The following SLC39A12 variants were observed in gnomAD, a reference collection of about 807,000 sequenced individuals.
SLC39A12 encodes the protein zinc transporter ZIP12.
A neutral mutation model predicts 71.1 loss-of-function variants in SLC39A12; 63 were observed. That is an observed-to-expected ratio of 0.89 (90% CI 0.72 to 1.09). SLC39A12 has a LOEUF of 1.09. SLC39A12 is among the 50% of genes least tolerant of loss of function. The pLI, the probability that SLC39A12 is intolerant of heterozygous loss-of-function variation, is 0.00. For synonymous variants in SLC39A12, 351 were observed against 301.3 expected (o/e 1.16, Z -1.71); for missense variants, 892 against 812.6 (o/e 1.10, Z -1.19).
At chr10:17,983,345 A>T (rs573857581) in intron 6 of SLC39A12, among the ~76,000 whole-genome samples, 31 of 152,120 alleles carry the variant, frequency 2.0e-4, no homozygotes, top group African/African-American at 7.2e-4. Flanking sequence ...AAAATTAGCC[A>T]GGCATGGTGG....
intron 3 of SLC39A12, among the ~76,000 whole-genome samples, chr10:17,963,230 A>C (rs1834736686): frequency 6.6e-6 from 1 of 152,188 alleles, no homozygotes. Flanking sequence ...TTTTCTACCT[A>C]AACCAGGAGG....
At chr10:17,954,864 G>GT (rs1290328041) in intron 2 of SLC39A12, among the ~76,000 whole-genome samples, 3 of 152,154 alleles carry the variant, frequency 2.0e-5, no homozygotes, top group East Asian at 3.8e-4. Flanking sequence ...CAAGTGTTTT[G>GT]TTTTTTCATA....
intron 5 of SLC39A12, among the ~76,000 whole-genome samples, chr10:17,978,435 T>C (rs1446337394): frequency 1.3e-5 from 2 of 152,216 alleles, no homozygotes; most frequent in East Asian, 3.9e-4. Context: ...TGCTATTATG[T>C]ATCTTAAAAG....
At chr10:17,987,385 T>A (rs1218808111) in intron 6 of SLC39A12, 94 bp from the exon 7 acceptor site, 1 of 1,110,082 alleles carries the variant, frequency 9.0e-7, no homozygotes, top group Admixed American at 2.1e-5. Context: ...TACTGGCTGT[T>A]ACTGTAAGAC....
chr10:17,993,751 G>A (rs1202296309), intron 9 of SLC39A12, among the ~76,000 whole-genome samples: 5 of 152,214 alleles, frequency 3.3e-5, no homozygotes, highest in Non-Finnish European at 5.9e-5. Flanking sequence ...TTCATAGTAT[G>A]TGCCTTTATT....
intron 10 of SLC39A12, 47 bp from the exon 11 acceptor site, chr10:18,000,620 A>G: frequency 6.3e-7 from 1 of 1,590,624 alleles, no homozygotes; most frequent in Non-Finnish European, 8.6e-7. Flanking sequence ...TTGGTGAAAT[A>G]TGTAGTGCTC....
intron 4 of SLC39A12, among the ~76,000 whole-genome samples, chr10:17,966,454 C>A (rs78265327): frequency 6.6e-6 from 1 of 152,018 alleles, no homozygotes; most frequent in Admixed American, 6.5e-5. Flanking sequence ...GAAACTACAG[C>A]TGTGTGTCAC....
intron 12 of SLC39A12, among the ~76,000 whole-genome samples, chr10:18,027,152 C>T (rs771023974): frequency 6.6e-6 from 1 of 152,182 alleles, no homozygotes; most frequent in Non-Finnish European, 1.5e-5. Flanking sequence ...AGAAGGAATA[C>T]ATAGGGGAAA....
chr10:17,978,670 G>A (rs940887600), intron 5 of SLC39A12, among the ~76,000 whole-genome samples: 2 of 152,022 alleles, frequency 1.3e-5, no homozygotes, highest in Admixed American at 6.6e-5. Flanking sequence ...AACATTTAGG[G>A]GTTACTTAAG....
intron 12 of SLC39A12, among the ~76,000 whole-genome samples, chr10:18,034,377 G>A (rs548979994): frequency 1.5e-4 from 23 of 152,280 alleles, no homozygotes; most frequent in African/African-American, 5.5e-4. Flanking sequence ...AGCTCTTCTT[G>A]TTTAATTGAT....
intron 12 of SLC39A12, among the ~76,000 whole-genome samples, chr10:18,038,259 G>T (rs968289433): frequency 2.0e-5 from 3 of 151,940 alleles, no homozygotes; most frequent in Admixed American, 2.0e-4. Context: ...TGGGAGTAGG[G>T]TCACTGACTC....
At chr10:18,033,117 TG>T (rs1836898254) in intron 12 of SLC39A12, among the ~76,000 whole-genome samples, 1 of 143,620 alleles carries the variant, frequency 7.0e-6, no homozygotes, top group Admixed American at 7.1e-5. Context: ...TTCTCTTTTT[TG>T]GTTGTGTCTC....
At chr10:17,959,066 A>G (rs1222990608) in intron 2 of SLC39A12, among the ~76,000 whole-genome samples, 2 of 152,172 alleles carry the variant, frequency 1.3e-5, no homozygotes, top group African/African-American at 4.8e-5. Context: ...CCAATAGTTT[A>G]GTTTCAGGAG....
chr10:17,980,825 T>G (rs1227541974), intron 5 of SLC39A12, among the ~76,000 whole-genome samples: 1 of 152,148 alleles, frequency 6.6e-6, no homozygotes, highest in East Asian at 1.9e-4. Flanking sequence ...TTTCAAAAAT[T>G]TTACCTTTAC....
intron 12 of SLC39A12, among the ~76,000 whole-genome samples, chr10:18,025,937 T>C (rs1387480067): frequency 1.3e-5 from 2 of 152,204 alleles, no homozygotes; most frequent in Non-Finnish European, 2.9e-5. Context: ...TCAAATAATA[T>C]ACTACTTCAC....
At chr10:18,040,994 C>T (rs1484675781) in intron 12 of SLC39A12, among the ~76,000 whole-genome samples, 2 of 151,990 alleles carry the variant, frequency 1.3e-5, no homozygotes, top group Admixed American at 6.6e-5. Flanking sequence ...ACAACATCTT[C>T]TAATGGACAG....
intron 6 of SLC39A12, among the ~76,000 whole-genome samples, chr10:17,986,629 G>A (rs1835404867): frequency 6.6e-6 from 1 of 152,216 alleles, no homozygotes; most frequent in African/African-American, 2.4e-5. Flanking sequence ...TTCAACATGT[G>A]AATTTTGCGG....
chr10:18,033,079 A>G (rs1253193836), intron 12 of SLC39A12, among the ~76,000 whole-genome samples: 2 of 149,914 alleles, frequency 1.3e-5, no homozygotes, highest in African/African-American at 4.9e-5. Context: ...TTTTTGCATC[A>G]ATGTTCATCA....
chr10:18,036,923 A>T (rs1330632306), intron 12 of SLC39A12, among the ~76,000 whole-genome samples: 2 of 150,948 alleles, frequency 1.3e-5, no homozygotes, highest in African/African-American at 4.9e-5. Context: ...AGTAGCTGGG[A>T]TGACAGGCAC....
Sources: allele counts gnomAD v4.1 joint callset (sites outside exome capture counted in the v4.1 genomes callset), GRCh38; gene constraint gnomAD v4.1.1; transcripts MANE v1.5; gene names NCBI Gene and HGNC (gene_info 2026-07-23, HGNC 2026-07-21).